LNPEP: variants seen among roughly 807,000 people sequenced by gnomAD.
LNPEP encodes leucyl and cystinyl aminopeptidase, also known as leucyl-cystinyl aminopeptidase.
A neutral mutation model predicts 120.6 loss-of-function variants in LNPEP; 64 were observed. The observed-to-expected ratio is 0.53, with a 90% confidence interval of 0.43 to 0.65. The LOEUF (loss-of-function observed/expected upper bound fraction) is 0.65, where lower values mean the gene tolerates loss of function less well. Ranked by LOEUF, LNPEP falls within the 30% of genes least tolerant of loss-of-function variation. The pLI is 0.00. For synonymous variants in LNPEP, 435 were observed against 425.4 expected, an observed-to-expected ratio of 1.02 and a Z score of -0.28; for missense variants, 1,057 against 1,200.0, an observed-to-expected ratio of 0.88 and a Z score of 1.76.
intron 2 of LNPEP, among the ~76,000 whole-genome samples, chr5:96,983,130 C>T (rs949882301): frequency 6.6e-6 from 1 of 152,066 alleles, no homozygotes; most frequent in South Asian, 2.1e-4. Flanking sequence ...CTGATTTGCC[C>T]AAAGTCATGT....
Position 97,006,192 on chromosome 5 carries a change from C to A in LNPEP, c.1905C>A (p.Phe635Leu). The A allele has an allele frequency of 6.2e-7, 1 of 1,604,242 alleles. No individual in the cohort carries two copies. Among genetic ancestry groups the A allele is most frequent in the Non-Finnish European group, 8.5e-7 (1 of 1,176,328 alleles). ...AACTTTTTATACAACAAGAGAGATT[C>A]TTTTTAAATATGAAGCCTGAAATTC... The part of the protein sequence containing the change: ...GKELFIQQER[F>L]FLNMKPEIQP... The change falls in exon 10 of 18, where the codon TTC becomes TTA. Residue 635 changes from phenylalanine to leucine, a missense_variant. Transcript: ENST00000231368.
intron 2 of LNPEP, among the ~76,000 whole-genome samples, chr5:96,981,181 A>G (rs1008370242): frequency 5.3e-5 from 8 of 152,206 alleles, no homozygotes; most frequent in African/African-American, 1.9e-4. Flanking sequence ...ACCTCAGAGA[A>G]GAAAAATTTA....
chr5:96,973,958 C>T (rs546402955), intron 1 of LNPEP, among the ~76,000 whole-genome samples: 13 of 152,250 alleles, frequency 8.5e-5, no homozygotes, highest in Admixed American at 4.6e-4. Context: ...TTTGCCTTCT[C>T]ACCACATCCT....
intron 15 of LNPEP, 80 bp from the exon 16 acceptor site, chr5:97,026,537 C>A: frequency 9.0e-7 from 1 of 1,109,792 alleles, no homozygotes; most frequent in Non-Finnish European, 1.3e-6. Flanking sequence ...ATTAGGAAAC[C>A]ATACTAATTT....
In LNPEP at chr5:97,030,365, T is replaced by C. The variant is rs1032092608; in HGVS notation, c.*1832T>C. The C allele has an allele frequency of 2.0e-5, 3 of 152,320 alleles. No individual in the cohort carries two copies. Among genetic ancestry groups the C allele is most frequent in the Non-Finnish European group, 4.4e-5 (3 of 68,014 alleles). The allele number at this position is 152,320 out of a possible 1,614,324, so 9.4% of individuals were successfully genotyped here. On this transcript the variant is annotated 3_prime_UTR_variant, in exon 18 of 18. Coordinates refer to ENST00000231368, the MANE Select transcript of LNPEP (RefSeq NM_005575.3). ...TAATTTAGTTGATAGTGAAAGTTAA[T>C]GTGTTTTTATATTTTTAGAGTGAGG...
Position 97,019,945 on chromosome 5 carries a change from C to T in LNPEP, c.2377-2355C>T, listed in dbSNP as rs535718526. ...AGTGGGATCCCCTGCATTGCTTGTCCGTTCCTTGCATCGTCAGCGTAGCAA... is the reference window on the plus strand; with the variant it reads ...AGTGGGATCCCCTGCATTGCTTGTCTGTTCCTTGCATCGTCAGCGTAGCAA... On this transcript the variant is annotated intron_variant, in intron 13 of 17. Coordinates refer to ENST00000231368, the MANE Select transcript of LNPEP (RefSeq NM_005575.3). Among the ~76,000 whole-genome samples, 5 of 152,208 alleles carry T rather than the reference C, an allele frequency of 3.3e-5. No homozygotes were observed. The South Asian group carries it at 1.0e-3, about 32-fold the overall frequency.
chr5:96,975,378 G>T (rs1352786390), intron 1 of LNPEP, among the ~76,000 whole-genome samples: 1 of 152,112 alleles, frequency 6.6e-6, no homozygotes, highest in Non-Finnish European at 1.5e-5. Flanking sequence ...AATGTAAAGG[G>T]AATTGACATA....
chr5:97,008,662 CTTTTTTTTTT>C (rs757725207), intron 11 of LNPEP, among the ~76,000 whole-genome samples: 1 of 85,446 alleles, frequency 1.2e-5, no homozygotes, highest in African/African-American at 4.7e-5. Context: ...CCTCTTTACT[CTTTTTTTTTT>C]TTTTTTTTTT....
rs540931811 is a variant in LNPEP at position 96,992,231 on chromosome 5, G to A, written c.1132-784G>A. ...TTCCATCTGCCTTGTCTCTTAGTAT[G>A]TACCCGGGAGTGAATGGGCAGTGGG... On this transcript the variant is annotated intron_variant, in intron 4 of 17. Coordinates refer to ENST00000231368, the MANE Select transcript of LNPEP (RefSeq NM_005575.3). Among the ~76,000 whole-genome samples the A allele has an allele frequency of 4.6e-5, 7 of 152,236 alleles. No individual in the cohort carries two copies. In the South Asian group the frequency reaches 1.0e-3, roughly 23 times the overall value.
At chr5:96,969,513 G>A (rs1789810311) in intron 1 of LNPEP, among the ~76,000 whole-genome samples, 1 of 151,948 alleles carries the variant, frequency 6.6e-6, no homozygotes, top group Non-Finnish European at 1.5e-5. Context: ...TCTGTCTCTA[G>A]CCTGTGACCC....
Position 97,008,662 on chromosome 5 carries a change from C to CTTTTTT in LNPEP, c.2035+2162_2035+2167dup, listed in dbSNP as rs757725207. Among the ~76,000 whole-genome samples the CTTTTTT allele has an allele frequency of 1.6e-3, 140 of 85,428 alleles. 7 individuals are homozygous for CTTTTTT. Among genetic ancestry groups the CTTTTTT allele is most frequent in the East Asian group, 8.8e-3 (25 of 2,838 alleles). The allele number at this position is 85,428 out of a possible 152,430, so 56.0% of individuals were successfully genotyped here. A position where few individuals can be genotyped will look rare whatever the true frequency, so the allele number is the denominator to read the frequency against. On this transcript the variant is annotated intron_variant, in intron 11 of 17. Coordinates refer to ENST00000231368, the MANE Select transcript of LNPEP (RefSeq NM_005575.3). ...CCACCGCACCTGGCTCCTCTTTACT[C>CTTTTTT]TTTTTTTTTTTTTTTTTTTTGAGAC...
In LNPEP at chr5:97,003,655, A is replaced by C. The variant is rs74574723; in HGVS notation, c.1785+109A>C. ...TTAATCTGTGGTACAAAGCATAGTT[A>C]TTTAAGAAAGGGGGGGATGGAGCTT... On this transcript the variant is annotated intron_variant, in intron 9 of 17. Coordinates refer to ENST00000231368, the MANE Select transcript of LNPEP (RefSeq NM_005575.3). 6 of 676,012 alleles carry C rather than the reference A, an allele frequency of 8.9e-6. No individual in the cohort carries two copies. In the African/African-American group the frequency reaches 1.1e-4, roughly 12 times the overall value. The allele number at this position is 676,012 out of a possible 1,614,324, so 41.9% of individuals were successfully genotyped here.
At chr5:96,996,685 T>G (rs1046152265) in intron 7 of LNPEP, among the ~76,000 whole-genome samples, 182 bp downstream of exon 7, 3 of 152,156 alleles carry the variant, frequency 2.0e-5, no homozygotes, top group African/African-American at 7.2e-5. Context: ...GATGCTATTA[T>G]TTACTGATGT....
chr5:96,998,049 G>T lies in LNPEP; in HGVS notation c.1557G>T (p.Met519Ile), dbSNP rs1029306255. 6.3e-7 allele frequency: 1 copy of T among 1,582,252 alleles called. No individual in the cohort carries two copies. The highest frequency in any genetic ancestry group is 8.6e-7 in the Non-Finnish European group (1 of 1,156,598). ...EDFLDARFKT[M>I]KKDSLNSSHP... is the part of the protein sequence containing the mutation. ...TCTTAGATGCTCGATTTAAAACCATGAAGAAAGATTCCTTAAATTCATCTC... is the reference window on the plus strand; with the variant it reads ...TCTTAGATGCTCGATTTAAAACCATTAAGAAAGATTCCTTAAATTCATCTC... The change falls in exon 8 of 18, where the codon ATG (methionine) becomes ATT (isoleucine). Residue 519 changes from methionine to isoleucine, a missense_variant. Coordinates refer to ENST00000231368, the MANE Select transcript of LNPEP (RefSeq NM_005575.3).
chr5:96,961,629 T>G (rs1373358553), intron 1 of LNPEP, among the ~76,000 whole-genome samples: 1 of 152,088 alleles, frequency 6.6e-6, no homozygotes, highest in African/African-American at 2.4e-5. Context: ...CCTCTGAGGA[T>G]TGGTTCCAGG....
At chr5:97,000,100 G>A (rs950885057) in intron 8 of LNPEP, among the ~76,000 whole-genome samples, 4 of 152,158 alleles carry the variant, frequency 2.6e-5, no homozygotes, top group African/African-American at 9.7e-5. Flanking sequence ...GGTAGAGACT[G>A]ACTGTATACA....
intron 1 of LNPEP, among the ~76,000 whole-genome samples, chr5:96,953,466 G>T (rs1367920966): frequency 6.6e-6 from 1 of 152,100 alleles, no homozygotes. Flanking sequence ...ATTAATAATT[G>T]CTACCTCTAC....
intron 11 of LNPEP, among the ~76,000 whole-genome samples, chr5:97,008,873 C>G (rs187898538): frequency 3.9e-5 from 6 of 151,918 alleles, no homozygotes; most frequent in African/African-American, 1.2e-4. Context: ...ACCATGGTCT[C>G]GATCTCCTGA....
At position 97,028,712 on chromosome 5, in the gene LNPEP, G is replaced by A; in HGVS notation, c.*179G>A. On this transcript the variant is annotated 3_prime_UTR_variant, in exon 18 of 18. Transcript: ENST00000231368. ...CATCCATCTTTTCTGAAGTGTCTTT[G>A]GGCAGTATGTAGTTATTTATTACAA... is the stretch of plus-strand genomic sequence containing the variant. 1.7e-6 allele frequency: 1 copy of A among 574,276 alleles called. No individual in the cohort carries two copies. Among genetic ancestry groups the A allele is most frequent in the South Asian group, 2.2e-5 (1 of 46,290 alleles). The allele number at this position is 574,276 out of a possible 1,614,324, so 35.6% of individuals were successfully genotyped here. A position where few individuals can be genotyped will look rare whatever the true frequency, so the allele number is the denominator to read the frequency against.
Sources: gnomAD v4.1 joint callset for allele counts (sites outside exome capture counted in the v4.1 genomes callset) on GRCh38, gnomAD v4.1.1 for gene constraint, MANE v1.5 for transcripts, NCBI Gene and HGNC (gene_info 2026-07-23, HGNC 2026-07-21) for gene names.